HHLA1: variants seen among roughly 807,000 people sequenced by gnomAD.
The protein encoded by HHLA1 is HERV-H LTR-associating protein 1.
HHLA1 carries 72 observed loss-of-function variants against 69.9 expected under a neutral mutation model. That is an observed-to-expected ratio of 1.03 (90% confidence interval 0.85 to 1.25). The LOEUF (loss-of-function observed/expected upper bound fraction) is 1.25, where lower values mean the gene tolerates loss of function less well. Ranked by LOEUF, HHLA1 falls within the 50% of genes most tolerant of loss-of-function variation. The probability of loss-of-function intolerance (pLI) is 0.00; values close to 1 mark genes in which losing one functional copy is unlikely to be tolerated. For missense variants in HHLA1, 685 were observed against 642.2 expected (o/e 1.07, Z -0.72); for synonymous variants, 252 against 233.2 (o/e 1.08, Z -0.73).
At chr8:132,100,667 G>A (rs35733482) in intron 3 of HHLA1, among the ~76,000 whole-genome samples, 20,816 of 152,222 alleles carry the variant, frequency 0.14, 1,948 homozygotes, top group East Asian at 0.27. Context: ...GCTAGGCAAT[G>A]TGAACTGGTA....
rs1370316483 is a variant in HHLA1 at position 132,077,776 on chromosome 8, G to C, written c.1121C>G (p.Ala374Gly). The change falls in exon 12 of 17, where the codon GCT becomes GGT. Residue 374 changes from alanine (A) to glycine (G), a missense_variant. Ala to Gly is a moderately conservative substitution (Grantham distance 60). Coordinates refer to ENST00000414222, the MANE Select transcript of HHLA1 (RefSeq NM_001145095.3). ...GCTGCCAGGTGTGGCCATTATCTCA[G>C]CAGCAGGCGCCAAAAGGCTTGTAGT... Reference protein sequence around the residue: ...MNTTSLLAPAAEIMATPGSPS... With the variant: ...MNTTSLLAPAGEIMATPGSPS... The C allele has an allele frequency of 6.4e-7, 1 of 1,551,702 alleles. No homozygotes were observed.
intron 14 of HHLA1, among the ~76,000 whole-genome samples, chr8:132,074,179 G>T (rs191309966): frequency 6.6e-6 from 1 of 152,290 alleles, no homozygotes; most frequent in East Asian, 1.9e-4. Flanking sequence ...CTATGCCTTT[G>T]CTTAGAATGC....
intron 11 of HHLA1, among the ~76,000 whole-genome samples, chr8:132,078,206 ACACAC>A (rs1823681487): frequency 6.8e-6 from 1 of 146,978 alleles, no homozygotes; most frequent in African/African-American, 2.6e-5. Flanking sequence ...ACACACACAC[ACACAC>A]AACCTCTAAA....
chr8:132,073,129 A>C (rs1823577016), intron 14 of HHLA1, among the ~76,000 whole-genome samples: 1 of 152,138 alleles, frequency 6.6e-6, no homozygotes, highest in Admixed American at 6.6e-5. Context: ...ATAATTTAGC[A>C]GTAATTACTT....
At chr8:132,095,405 G>C (rs1378381401) in intron 7 of HHLA1, 114 bp downstream of exon 7, 1 of 639,154 alleles carries the variant, frequency 1.6e-6, no homozygotes, top group East Asian at 2.7e-5. Flanking sequence ...CATGGTTAAG[G>C]GTAGTGGATA....
At chr8:132,090,112 C>A (rs993485303) in intron 7 of HHLA1, among the ~76,000 whole-genome samples, 2 of 152,176 alleles carry the variant, frequency 1.3e-5, no homozygotes, top group Non-Finnish European at 2.9e-5. Flanking sequence ...AGGAACCTTT[C>A]CTTCTGCCCC....
intron 16 of HHLA1, among the ~76,000 whole-genome samples, 176 bp from the exon 17 acceptor site, chr8:132,064,214 A>AAT (rs1474772956): frequency 6.6e-6 from 1 of 152,226 alleles, no homozygotes; most frequent in African/African-American, 2.4e-5. Flanking sequence ...GAAAAGACTC[A>AAT]TGCAAGACCC....
intron 16 of HHLA1, among the ~76,000 whole-genome samples, chr8:132,065,683 GT>G (rs1823424914): frequency 1.3e-5 from 2 of 152,198 alleles, no homozygotes; most frequent in Non-Finnish European, 2.9e-5. Flanking sequence ...CTCCTGCTGT[GT>G]TTTTCCCTTG....
intron 10 of HHLA1, among the ~76,000 whole-genome samples, chr8:132,086,982 C>T (rs1035893268): frequency 3.9e-5 from 6 of 152,328 alleles, no homozygotes; most frequent in Admixed American, 2.6e-4. Context: ...AAGTTCCTTT[C>T]ATTGAGGAGA....
rs1055375467 is a variant in HHLA1, at chr8:132,096,869, G to A, written c.281-1083C>T. ...CTGTCACTCAGGCTGGAATGCAATC[G>A]TGCAGTCACAGCTCACTGCGGCCTC... On this transcript the variant is annotated intron_variant, in intron 5 of 16. Transcript: ENST00000414222. Among the ~76,000 whole-genome samples the A allele has an allele frequency of 1.4e-4, 21 of 152,216 alleles. 2 individuals carry two copies. Among genetic ancestry groups the A allele is most frequent in the Admixed American group, 4.6e-4 (7 of 15,296 alleles).
rs952409830 is a variant in HHLA1, at chr8:132,065,650, G to A, written c.1552+236C>T. Among the ~76,000 whole-genome samples the A allele has an allele frequency of 2.6e-4, 40 of 152,338 alleles. 1 individual carries two copies. In the Middle Eastern group the frequency reaches 0.014, roughly 52 times the overall value. ...AGATTTGCCTGAGTTCACGCAGAGAGCAAAAGTGCTTGGTCAGGCTGACTC... is the reference window on the plus strand; with the variant it reads ...AGATTTGCCTGAGTTCACGCAGAGAACAAAAGTGCTTGGTCAGGCTGACTC... On this transcript the variant is annotated intron_variant, in intron 16 of 16. Transcript: ENST00000414222.
intron 14 of HHLA1, among the ~76,000 whole-genome samples, chr8:132,071,873 G>A (rs1428108220): frequency 6.6e-6 from 1 of 152,098 alleles, no homozygotes; most frequent in African/African-American, 2.4e-5. Context: ...AGAAAAATTT[G>A]AGTACAGGGG....
chr8:132,071,503 G>T lies in HHLA1; in HGVS notation c.1316-10C>A, dbSNP rs1166521059. The T allele has an allele frequency of 1.3e-6, 2 of 1,550,814 alleles. No homozygotes were observed. Among genetic ancestry groups the T allele is most frequent in the Middle Eastern group, 1.7e-4 (1 of 5,964 alleles). On this transcript the variant is annotated splice_polypyrimidine_tract_variant and intron_variant, in intron 14 of 16. Coordinates refer to ENST00000414222, the MANE Select transcript of HHLA1 (RefSeq NM_001145095.3). ...AGTGGCTGAGGACACCCTAGAAGAT[G>T]CAATCCCAGACCAATTAAATCAGTA...
intron 4 of HHLA1, among the ~76,000 whole-genome samples, chr8:132,099,679 C>T (rs1824082737): frequency 6.6e-6 from 1 of 152,066 alleles, no homozygotes; most frequent in African/African-American, 2.4e-5. Flanking sequence ...CATGGTGAAA[C>T]CCCATAGCTA....
At chr8:132,083,244 A>G (rs1190732075) in intron 10 of HHLA1, among the ~76,000 whole-genome samples, 1 of 152,172 alleles carries the variant, frequency 6.6e-6, no homozygotes, top group Non-Finnish European at 1.5e-5. Flanking sequence ...ATAACTAAAA[A>G]GGAGTGCTTA....
At chr8:132,110,343 T>C (rs1303023140) in intron 1 of HHLA1, among the ~76,000 whole-genome samples, 1 of 152,044 alleles carries the variant, frequency 6.6e-6, no homozygotes, top group African/African-American at 2.4e-5. Context: ...CTAGACAGTT[T>C]GCCCAAGGTC....
chr8:132,076,177 T>C (rs1385623057), intron 13 of HHLA1, 48 bp from the exon 14 acceptor site: 1 of 1,299,092 alleles, frequency 7.7e-7, no homozygotes, highest in Admixed American at 2.0e-5. Flanking sequence ...GGAATTACCT[T>C]AGGTGATACA....
intron 8 of HHLA1, 115 bp from the exon 9 acceptor site, chr8:132,088,016 A>G: frequency 1.3e-6 from 1 of 779,250 alleles, no homozygotes; most frequent in Non-Finnish European, 2.2e-6. Context: ...TAGGAAAATA[A>G]GCCTGACTCT....
At chr8:132,078,171 A>AACACACACAC (rs34612835) in intron 11 of HHLA1, among the ~76,000 whole-genome samples, 200 bp from the exon 12 acceptor site, 18 of 144,394 alleles carry the variant, frequency 1.2e-4, no homozygotes, top group Admixed American at 2.8e-4. Context: ...AGCACCAATA[A>AACACACACAC]ACACACACAC....
Sources: gnomAD v4.1 joint callset for allele counts (sites outside exome capture counted in the v4.1 genomes callset) on GRCh38, gnomAD v4.1.1 for gene constraint, MANE v1.5 for transcripts, NCBI Gene and HGNC (gene_info 2026-07-23, HGNC 2026-07-21) for gene names.